The following VAPA variants were observed in gnomAD, a reference collection of about 807,000 sequenced individuals.
The protein encoded by VAPA is VAMP associated protein A.
A neutral mutation model predicts 25.6 loss-of-function variants in VAPA; 6 were observed. The ratio of observed to expected loss-of-function variants is 0.23; its 90% CI spans 0.13 to 0.46. The LOEUF (loss-of-function observed/expected upper bound fraction) is 0.46. Ranked by LOEUF, VAPA falls within the 20% of genes least tolerant of loss-of-function variation. The pLI is 0.99. For synonymous variants in VAPA, 112 were observed against 106.2 expected, an observed-to-expected ratio of 1.05 and a Z score of -0.34; for missense variants, 244 against 302.1, an observed-to-expected ratio of 0.81 and a Z score of 1.43.
At chr18:9,954,030 T>C in intron 5 of VAPA, 23 bp from the exon 6 acceptor site, 1 of 1,612,702 alleles carries the variant, frequency 6.2e-7, no homozygotes, top group Non-Finnish European at 8.5e-7. Flanking sequence ...TAAAAACCTT[T>C]TGTGTGTGTG....
intron 4 of VAPA, among the ~76,000 whole-genome samples, chr18:9,944,207 G>A (rs1246768648): frequency 1.3e-5 from 2 of 151,952 alleles, no homozygotes; most frequent in Admixed American, 1.3e-4. Flanking sequence ...AAGACTGAGG[G>A]GCTGTAAAGA....
chr18:9,950,421 T>C lies in VAPA; in HGVS notation c.444T>C (p.Val148=), dbSNP rs1352697370. 1 of 1,613,772 alleles carries C rather than the reference T, an allele frequency of 6.2e-7. No homozygotes were observed. Among genetic ancestry groups the C allele is most frequent in the Non-Finnish European group, 8.5e-7 (1 of 1,179,920 alleles). Residue 148 remains valine (V), a synonymous_variant, in exon 5 of 6, where the codon GTT becomes GTC. Transcript: ENST00000400000. ...KLNDMEPSKA[V]PLNASKQDGP... is the part of the protein sequence containing the mutation. ...ATGATATGGAACCTAGCAAAGCTGTTCCACTGAATGCATCTAAGCAAGATG... is the reference window on the plus strand; with the variant it reads ...ATGATATGGAACCTAGCAAAGCTGTCCCACTGAATGCATCTAAGCAAGATG...
At chr18:9,947,248 TAGTC>T (rs1276162413) in intron 4 of VAPA, among the ~76,000 whole-genome samples, 1 of 152,198 alleles carries the variant, frequency 6.6e-6, no homozygotes, top group Non-Finnish European at 1.5e-5. Flanking sequence ...ACCTGTAACA[TAGTC>T]ATTTATTACC....
intron 1 of VAPA, among the ~76,000 whole-genome samples, chr18:9,917,405 C>A (rs993588224): frequency 6.6e-6 from 1 of 152,168 alleles, no homozygotes; most frequent in African/African-American, 2.4e-5. Context: ...ATTCTCCTGC[C>A]TCAGTCTCCA....
intron 3 of VAPA, 197 bp from the exon 4 acceptor site, chr18:9,936,789 T>TG: frequency 2.1e-6 from 1 of 467,088 alleles, no homozygotes; most frequent in Non-Finnish European, 3.8e-6. Context: ...TTTTAATGGA[T>TG]GGTGATAGTA....
intron 1 of VAPA, among the ~76,000 whole-genome samples, chr18:9,929,401 G>A (rs575254149): frequency 1.3e-5 from 2 of 152,204 alleles, no homozygotes; most frequent in Admixed American, 6.5e-5. Flanking sequence ...AAGATCTTAA[G>A]GTAGATTTCT....
chr18:9,938,489 C>T lies in VAPA; in HGVS notation c.417+1423C>T, dbSNP rs147592656. On this transcript the variant is annotated intron_variant, in intron 4 of 5. Transcript: ENST00000400000. ...AGTTATGCCTACCTATTGGTCTAGC[C>T]CATAGTTATCCAAGAAAGTAGTTTT... Among the ~76,000 whole-genome samples, 5 of 152,266 alleles carry T rather than the reference C, an allele frequency of 3.3e-5. No homozygotes were observed. In the East Asian group the frequency reaches 9.6e-4, roughly 29 times the overall value.
In VAPA at chr18:9,958,550, A is replaced by G. The variant is rs1237154671; in HGVS notation, c.*4339A>G. ...TAATTGTTGCTTGAATAGCACCCCC[A>G]GAGATACTGACCTAATTGGTCTGGG... On this transcript the variant is annotated 3_prime_UTR_variant, in exon 6 of 6. Coordinates refer to ENST00000400000, the MANE Select transcript of VAPA (RefSeq NM_194434.3). 1 of 152,070 alleles carries G rather than the reference A, an allele frequency of 6.6e-6. No homozygotes were observed. Among genetic ancestry groups the G allele is most frequent in the African/African-American group, 2.4e-5 (1 of 41,422 alleles). The allele number at this position is 152,070 out of a possible 1,614,324, so 9.4% of individuals were successfully genotyped here. A position where few individuals can be genotyped will look rare whatever the true frequency, so the allele number is the denominator to read the frequency against.
intron 1 of VAPA, among the ~76,000 whole-genome samples, chr18:9,927,701 A>T (rs1599101319): frequency 6.6e-6 from 1 of 152,038 alleles, no homozygotes. Flanking sequence ...CTGCCTTAAA[A>T]TTTTCTAATA....
intron 1 of VAPA, among the ~76,000 whole-genome samples, chr18:9,922,848 T>C (rs2069168638): frequency 6.6e-6 from 1 of 152,228 alleles, no homozygotes; most frequent in Non-Finnish European, 1.5e-5. Flanking sequence ...CTTACATCTT[T>C]ATGATGAACT....
chr18:9,948,045 G>A (rs185372233), intron 4 of VAPA: 2 of 152,128 alleles, frequency 1.3e-5, no homozygotes, highest in African/African-American at 2.4e-5. Flanking sequence ...AATGTGTTTC[G>A]GCTTCACTGT....
chr18:9,950,618 A>T, intron 5 of VAPA, 50 bp downstream of exon 5: 1 of 1,572,026 alleles, frequency 6.4e-7, no homozygotes, highest in Non-Finnish European at 8.6e-7. Context: ...GGTATAGGAC[A>T]TGTGAGTGTT....
At chr18:9,943,745 A>T (rs1004901655) in intron 4 of VAPA, among the ~76,000 whole-genome samples, 5 of 149,820 alleles carry the variant, frequency 3.3e-5, no homozygotes, top group African/African-American at 1.2e-4. Flanking sequence ...CTTCTAAAAA[A>T]TTTTTGAGGC....
At chr18:9,952,403 T>C (rs1567903657) in intron 5 of VAPA, among the ~76,000 whole-genome samples, 2 of 151,744 alleles carry the variant, frequency 1.3e-5, no homozygotes, top group East Asian at 1.9e-4. Context: ...CCCGTCTCTA[T>C]TAAAAATACA....
At chr18:9,939,147 A>G (rs1472399751) in intron 4 of VAPA, among the ~76,000 whole-genome samples, 1 of 151,896 alleles carries the variant, frequency 6.6e-6, no homozygotes, top group East Asian at 1.9e-4. Context: ...TTTGAATTAG[A>G]TGAAAATAAA....
intron 1 of VAPA, among the ~76,000 whole-genome samples, chr18:9,917,509 G>C (rs1429349979): frequency 6.6e-6 from 1 of 152,136 alleles, no homozygotes; most frequent in African/African-American, 2.4e-5. Context: ...TCGAACTTCT[G>C]ACCTCAGGTG....
At chr18:9,928,350 CA>C (rs1358880529) in intron 1 of VAPA, among the ~76,000 whole-genome samples, 1 of 152,060 alleles carries the variant, frequency 6.6e-6, no homozygotes, top group African/African-American at 2.4e-5. Flanking sequence ...AAGGAATTAT[CA>C]AAAGTTAAAT....
intron 4 of VAPA, among the ~76,000 whole-genome samples, chr18:9,937,793 G>A (rs990512509): frequency 2.0e-5 from 3 of 151,692 alleles, no homozygotes; most frequent in Admixed American, 6.6e-5. Context: ...TAAATAGAAT[G>A]GTGTGGCACA....
At chr18:9,953,873 GT>G (rs1314651777) in intron 5 of VAPA, among the ~76,000 whole-genome samples, 179 bp from the exon 6 acceptor site, 1 of 152,146 alleles carries the variant, frequency 6.6e-6, no homozygotes, top group Non-Finnish European at 1.5e-5. Flanking sequence ...CTATAGTTCA[GT>G]TTTAGAATGT....
Sources: allele counts gnomAD v4.1 joint callset (sites outside exome capture counted in the v4.1 genomes callset), GRCh38; gene constraint gnomAD v4.1.1; transcripts MANE v1.5; gene names NCBI Gene and HGNC (gene_info 2026-07-23, HGNC 2026-07-21).